LNX1: variants seen among roughly 807,000 people sequenced by gnomAD.
LNX1 encodes the protein E3 ubiquitin-protein ligase LNX.
LNX1 carries 54 observed loss-of-function variants against 68.4 expected under a neutral mutation model. That is an observed-to-expected ratio of 0.79 (90% CI 0.63 to 0.99). LNX1 has a LOEUF of 0.99. LNX1 is among the 50% of genes least tolerant of loss of function. The pLI is 0.00. For synonymous variants in LNX1, 336 were observed against 350.0 expected, an observed-to-expected ratio of 0.96 and a Z score of 0.45; for missense variants, 906 against 926.4, an observed-to-expected ratio of 0.98 and a Z score of 0.29.
chr4:53,490,932 G>T (rs1579399406), intron 6 of LNX1, among the ~76,000 whole-genome samples: 6 of 152,050 alleles, frequency 3.9e-5, no homozygotes, highest in African/African-American at 1.2e-4. Flanking sequence ...TTTTTAAAAG[G>T]TTTTTCCTGC....
intron 2 of LNX1, among the ~76,000 whole-genome samples, chr4:53,602,352 G>A (rs879556215): frequency 5.9e-5 from 9 of 152,154 alleles, no homozygotes; most frequent in Admixed American, 2.6e-4. Flanking sequence ...ACCACCATCC[G>A]ATCTGACACC....
chr4:53,547,567 G>A (rs1729195872), intron 2 of LNX1, among the ~76,000 whole-genome samples: 1 of 152,290 alleles, frequency 6.6e-6, no homozygotes, highest in Non-Finnish European at 1.5e-5. Flanking sequence ...AAGTGGACTT[G>A]TTTCTGGGGT....
chr4:53,590,121 G>A (rs1436635957), intron 1 of LNX1, among the ~76,000 whole-genome samples: 3 of 152,198 alleles, frequency 2.0e-5, no homozygotes, highest in Middle Eastern at 3.4e-3. Context: ...ATAAACAAAG[G>A]TCAGTTAAGG....
intron 2 of LNX1, chr4:53,558,057 G>A (rs1321429153): frequency 1.3e-6 from 2 of 1,568,066 alleles, no homozygotes; most frequent in Admixed American, 3.8e-5. Context: ...ACCTTGCCAT[G>A]CCCCCACAAT....
At chr4:53,467,729 G>A (rs1477896901) in intron 9 of LNX1, among the ~76,000 whole-genome samples, 1 of 152,202 alleles carries the variant, frequency 6.6e-6, no homozygotes, top group Non-Finnish European at 1.5e-5. Context: ...TCAACTGGAA[G>A]AAAGGGTATC....
chr4:53,620,690 T>C (rs1733839028), upstream of LNX1, among the ~76,000 whole-genome samples: 2 of 152,108 alleles, frequency 1.3e-5, no homozygotes, highest in Admixed American at 6.6e-5. Flanking sequence ...TTGTACCCCA[T>C]GAATATATAA....
At chr4:53,634,444 A>C (rs531651324) in intron 1 of LNX1, among the ~76,000 whole-genome samples, 1 of 152,100 alleles carries the variant, frequency 6.6e-6, no homozygotes, top group Admixed American at 6.5e-5. Flanking sequence ...GGGTTTCACC[A>C]TGTTGGCCAG....
intron 1 of LNX1, among the ~76,000 whole-genome samples, chr4:53,636,857 G>A (rs573796328): frequency 6.6e-5 from 10 of 151,886 alleles, no homozygotes; most frequent in South Asian, 4.2e-4. Context: ...ATGTGAACAA[G>A]GATACAGGGT....
chr4:53,561,260 A>C (rs1730266616), intron 2 of LNX1, among the ~76,000 whole-genome samples: 1 of 152,048 alleles, frequency 6.6e-6, no homozygotes. Flanking sequence ...ATGGAGTCTC[A>C]TTCTGTCACC....
intron 4 of LNX1, among the ~76,000 whole-genome samples, chr4:53,504,926 CAT>C (rs964763059): frequency 1.3e-5 from 2 of 152,132 alleles, no homozygotes; most frequent in African/African-American, 4.8e-5. Context: ...TAACTGATCA[CAT>C]GTCACCATAA....
chr4:53,468,205 A>G, intron 9 of LNX1, among the ~76,000 whole-genome samples: 1 of 152,232 alleles, frequency 6.6e-6, no homozygotes, highest in Non-Finnish European at 1.5e-5. Flanking sequence ...TTAAAAGAAA[A>G]GAATTTTCAA....
chr4:53,538,471 C>A (rs560306251), intron 2 of LNX1, among the ~76,000 whole-genome samples: 133 of 152,288 alleles, frequency 8.7e-4, no homozygotes, highest in South Asian at 3.3e-3. Flanking sequence ...GAGACTAGGA[C>A]CCCTGCTTTT....
At chr4:53,514,794 C>T (rs1726631957) in intron 2 of LNX1, among the ~76,000 whole-genome samples, 1 of 152,146 alleles carries the variant, frequency 6.6e-6, no homozygotes, top group African/African-American at 2.4e-5. Context: ...AACACCATAC[C>T]ATCTCTGTAC....
At chr4:53,561,450 T>A (rs1390589170) in intron 2 of LNX1, among the ~76,000 whole-genome samples, 1 of 152,136 alleles carries the variant, frequency 6.6e-6, no homozygotes, top group African/African-American at 2.4e-5. Flanking sequence ...ATGGTCTTGA[T>A]CTCCTGATCT....
intron 6 of LNX1, among the ~76,000 whole-genome samples, chr4:53,491,654 T>C (rs2109452110): frequency 6.6e-6 from 1 of 152,348 alleles, no homozygotes; most frequent in East Asian, 1.9e-4. Context: ...AACCAATCCC[T>C]AGGAGATAAA....
intron 5 of LNX1, 152 bp downstream of exon 5, chr4:53,498,489 C>T: frequency 1.6e-6 from 1 of 627,386 alleles, no homozygotes; most frequent in East Asian, 2.7e-5. Flanking sequence ...AATTAAATGA[C>T]AAATCTCAGA....
chr4:53,507,954 C>T (rs1168467693), intron 3 of LNX1, 32 bp downstream of exon 3: 2 of 1,599,734 alleles, frequency 1.3e-6, no homozygotes, highest in East Asian at 4.5e-5. Flanking sequence ...AGCCAAGGAG[C>T]CCATTCCCGG....
intron 2 of LNX1, among the ~76,000 whole-genome samples, chr4:53,572,414 A>C (rs1487095254): frequency 6.6e-6 from 1 of 152,178 alleles, no homozygotes; most frequent in Non-Finnish European, 1.5e-5. Flanking sequence ...TGACATAATG[A>C]GCGTGGAAAA....
chr4:53,580,375 C>G (rs1192004837), intron 1 of LNX1, among the ~76,000 whole-genome samples: 2 of 152,222 alleles, frequency 1.3e-5, no homozygotes, highest in Non-Finnish European at 2.9e-5. Flanking sequence ...GCAAGCTCCC[C>G]AATTTATCAG....
Sources: allele counts gnomAD v4.1 joint callset (sites outside exome capture counted in the v4.1 genomes callset), GRCh38; gene constraint gnomAD v4.1.1; transcripts MANE v1.5; gene names NCBI Gene and HGNC (gene_info 2026-07-23, HGNC 2026-07-21).